The following ANKFN1 variants were observed in gnomAD, a reference collection of about 807,000 sequenced individuals.
The protein encoded by ANKFN1 is ankyrin repeat and fibronectin type-III domain-containing protein 1.
In ANKFN1, 74 loss-of-function variants were observed where a neutral mutation model predicts 108.7. That is an observed-to-expected ratio of 0.68 (90% CI 0.56 to 0.83). The LOEUF is 0.83. Ranked by LOEUF, ANKFN1 falls within the 40% of genes least tolerant of loss-of-function variation. The probability of loss-of-function intolerance (pLI) is 0.00; values close to 1 mark genes in which losing one functional copy is unlikely to be tolerated. For synonymous variants in ANKFN1, 547 were observed against 516.2 expected (o/e 1.06, Z -0.81); for missense variants, 1,505 against 1,382.3 (o/e 1.09, Z -1.41).
intron 8 of ANKFN1, among the ~76,000 whole-genome samples, chr17:56,405,790 A>C (rs558881133): frequency 7.9e-5 from 12 of 152,296 alleles, no homozygotes; most frequent in African/African-American, 2.9e-4. Context: ...GAAAGAGCAT[A>C]TATGTAATAT....
chr17:56,338,531 C>G (rs1425593903), intron 4 of ANKFN1, among the ~76,000 whole-genome samples: 2 of 152,050 alleles, frequency 1.3e-5, no homozygotes, highest in East Asian at 3.9e-4. Context: ...GGAACGCTCT[C>G]TTAAGAGTGA....
intron 3 of ANKFN1, among the ~76,000 whole-genome samples, chr17:56,299,601 CT>C (rs1301185111): frequency 6.6e-6 from 1 of 152,160 alleles, no homozygotes; most frequent in Non-Finnish European, 1.5e-5. Context: ...TCAATCTGGG[CT>C]TTGAATCACA....
chr17:56,337,853 G>A (rs1248107363), intron 4 of ANKFN1, among the ~76,000 whole-genome samples: 1 of 152,188 alleles, frequency 6.6e-6, no homozygotes, highest in African/African-American at 2.4e-5. Flanking sequence ...TACACCATTG[G>A]TGGGAGTGTA....
intron 3 of ANKFN1, among the ~76,000 whole-genome samples, chr17:56,319,570 A>G (rs1304433928): frequency 1.3e-5 from 2 of 152,208 alleles, no homozygotes; most frequent in African/African-American, 4.8e-5. Flanking sequence ...AGATATCCCT[A>G]TACAAAGGCA....
chr17:56,355,084 G>C (rs1392237620), intron 6 of ANKFN1, among the ~76,000 whole-genome samples: 1 of 152,106 alleles, frequency 6.6e-6, no homozygotes, highest in Non-Finnish European at 1.5e-5. Flanking sequence ...TTACAAAGTA[G>C]CTAGAAGAGA....
At chr17:56,329,652 G>A (rs574389884) in intron 4 of ANKFN1, among the ~76,000 whole-genome samples, 1 of 152,162 alleles carries the variant, frequency 6.6e-6, no homozygotes, top group Non-Finnish European at 1.5e-5. Context: ...GTAAAATGGA[G>A]ATAATAATAG....
intron 4 of ANKFN1, among the ~76,000 whole-genome samples, chr17:56,132,746 C>T (rs1056218258): frequency 6.6e-6 from 1 of 152,090 alleles, no homozygotes; most frequent in Admixed American, 6.6e-5. Context: ...TGCAGACTGC[C>T]GACTTCTGGC....
intron 3 of ANKFN1, among the ~76,000 whole-genome samples, chr17:56,234,853 T>A (rs1916998236): frequency 6.6e-6 from 1 of 152,216 alleles, no homozygotes; most frequent in African/African-American, 2.4e-5. Flanking sequence ...TTTACATTCC[T>A]CTGGGTATGT....
chr17:56,426,252 T>A (rs2048565809), intron 8 of ANKFN1, among the ~76,000 whole-genome samples: 1 of 152,162 alleles, frequency 6.6e-6, no homozygotes, highest in Non-Finnish European at 1.5e-5. Flanking sequence ...ATCTGAAGAG[T>A]TCCTTTCTTT....
intron 4 of ANKFN1, among the ~76,000 whole-genome samples, chr17:56,073,909 T>A (rs760197698): frequency 3.3e-5 from 5 of 152,210 alleles, no homozygotes; most frequent in Non-Finnish European, 7.4e-5. Flanking sequence ...TATCCATTGA[T>A]GAGTATTTGG....
intron 9 of ANKFN1, 119 bp downstream of exon 9, chr17:56,440,543 A>G (rs1598613619): frequency 1.5e-6 from 1 of 684,930 alleles, no homozygotes; most frequent in Non-Finnish European, 2.5e-6. Context: ...AACAACTGCC[A>G]CTCATTAAGC....
intron 15 of ANKFN1, among the ~76,000 whole-genome samples, chr17:56,467,272 G>C (rs895678172): frequency 3.3e-5 from 5 of 152,126 alleles, no homozygotes; most frequent in African/African-American, 1.2e-4. Context: ...GTGTATTTGA[G>C]TGTGTGTACA....
intron 3 of ANKFN1, among the ~76,000 whole-genome samples, chr17:56,284,847 A>G (rs1009384728): frequency 4.6e-5 from 7 of 152,182 alleles, no homozygotes; most frequent in Non-Finnish European, 1.0e-4. Flanking sequence ...GAGAGGCTTC[A>G]TTAGTTCATT....
intron 6 of ANKFN1, among the ~76,000 whole-genome samples, chr17:56,356,435 T>C (rs948186961): frequency 6.6e-6 from 1 of 152,170 alleles, no homozygotes; most frequent in Non-Finnish European, 1.5e-5. Flanking sequence ...CAAGCAAATA[T>C]ATAATTAGAG....
chr17:56,304,907 T>C (rs1000728584), intron 3 of ANKFN1, among the ~76,000 whole-genome samples: 5 of 152,180 alleles, frequency 3.3e-5, no homozygotes, highest in African/African-American at 9.6e-5. Flanking sequence ...GTTTTTATTC[T>C]TGAGGTTTGA....
At chr17:56,230,585 G>C (rs1040285803) in intron 3 of ANKFN1, among the ~76,000 whole-genome samples, 1 of 152,000 alleles carries the variant, frequency 6.6e-6, no homozygotes, top group Non-Finnish European at 1.5e-5. Context: ...ACACTACTGG[G>C]CCAGGTCACT....
intron 1 of ANKFN1, among the ~76,000 whole-genome samples, chr17:56,211,160 A>T (rs1462650538): frequency 1.3e-5 from 2 of 152,048 alleles, no homozygotes; most frequent in African/African-American, 4.8e-5. Context: ...TGGGTTCTTG[A>T]TTATGAAGTC....
chr17:56,333,565 G>A (rs1366828968), intron 4 of ANKFN1, among the ~76,000 whole-genome samples: 1 of 151,934 alleles, frequency 6.6e-6, no homozygotes, highest in African/African-American at 2.4e-5. Flanking sequence ...ATACATTGCT[G>A]GATTTAATTT....
Position 56,440,376 on chromosome 17 carries a change from C to T in ANKFN1, c.960C>T (p.Ile320=), listed in dbSNP as rs200702754. ...TTTCTCCTTTGGCTGGAGAAATCATCATGGATAATCTGCAGACTCTGAGAT... is the reference window on the plus strand; with the variant it reads ...TTTCTCCTTTGGCTGGAGAAATCATTATGGATAATCTGCAGACTCTGAGAT... ...EDFSPLAGEI[I]MDNLQTLRCT... Residue 320 remains isoleucine, a synonymous_variant, in exon 9 of 21, where the codon ATC becomes ATT. Transcript: ENST00000682825. 8.7e-6 allele frequency: 14 copies of T among 1,612,778 alleles called. No individual in the cohort carries two copies. Among genetic ancestry groups the T allele is most frequent in the Non-Finnish European group, 8.5e-7 (1 of 1,179,204 alleles).
Sources: gnomAD v4.1 joint callset for allele counts (sites outside exome capture counted in the v4.1 genomes callset) on GRCh38, gnomAD v4.1.1 for gene constraint, MANE v1.5 for transcripts, NCBI Gene and HGNC (gene_info 2026-07-23, HGNC 2026-07-21) for gene names.